PSME1: variants seen among roughly 807,000 people sequenced by gnomAD.
PSME1 encodes proteasome activator subunit 1.
In PSME1, 15 loss-of-function variants were observed where a neutral mutation model predicts 38.4. That is an observed-to-expected ratio of 0.39 (90% CI 0.26 to 0.60). The LOEUF (loss-of-function observed/expected upper bound fraction) is 0.60, where lower values mean the gene tolerates loss of function less well. Ranked by LOEUF, PSME1 falls within the 20% of genes least tolerant of loss-of-function variation. The pLI is 0.53. For missense variants in PSME1, 249 were observed against 305.6 expected (o/e 0.81, Z 1.38); for synonymous variants, 106 against 106.8 (o/e 0.99, Z 0.05).
At chr14:24,138,289 GTTT>G in intron 8 of PSME1, 26 bp downstream of exon 8, 1 of 1,614,012 alleles carries the variant, frequency 6.2e-7, no homozygotes, top group Non-Finnish European at 8.5e-7. Flanking sequence ...TGTGCACACT[GTTT>G]TTGTTTTGGG....
intron 8 of PSME1, 23 bp from the exon 9 acceptor site, chr14:24,138,322 C>T: frequency 6.2e-7 from 1 of 1,614,112 alleles, no homozygotes; most frequent in Non-Finnish European, 8.5e-7. Context: ...TCTTCTACTC[C>T]ATACACACTT....
rs1375042020 is a variant in PSME1 at position 24,137,366 on chromosome 14, T to G, written c.181T>G (p.Leu61Val). ...CAACTTGAGCAATCTGAAGGCCCCA[T>G]TGGACATCCCAGTGCCTGATCCAGT... ...EANLSNLKAP[L>V]DIPVPDPVKE... is the part of the protein sequence containing the mutation. The change falls in exon 4 of 11, where the codon TTG becomes GTG. Residue 61 changes from leucine (L) to valine (V), a missense_variant. By Grantham distance (32) the Leu-to-Val change is conservative. Coordinates refer to ENST00000206451, the MANE Select transcript of PSME1 (RefSeq NM_006263.4). 5 of 1,613,854 alleles carry G rather than the reference T, an allele frequency of 3.1e-6. No individual in the cohort carries two copies. The highest frequency in any genetic ancestry group is 4.2e-6 in the Non-Finnish European group (5 of 1,180,030).
Position 24,136,862 on chromosome 14 carries a change from T to C in PSME1, c.40-123T>C. 3 of 1,161,078 alleles carry C rather than the reference T, an allele frequency of 2.6e-6. No individual in the cohort carries two copies. The highest frequency in any genetic ancestry group is 2.8e-4 in the Middle Eastern group (1 of 3,574). The allele number at this position is 1,161,078 out of a possible 1,614,324, so 71.9% of individuals were successfully genotyped here. On this transcript the variant is annotated intron_variant, in intron 1 of 10. Transcript: ENST00000206451. This position sits in a 1 kb window ranked among gnomAD's most constrained non-coding sequence, Gnocchi z 4.8. ...AGGCATCCATCTCGCTTTCTTCAGG[T>C]CTGGCCTTAGAGGGATCCCCTCCAC...
In PSME1 at chr14:24,136,891, TC is replaced by T. The variant is rs899942717; in HGVS notation, c.40-90del. On this transcript the variant is annotated intron_variant, in intron 1 of 10. Transcript: ENST00000206451. This position sits in a 1 kb window ranked among gnomAD's most constrained non-coding sequence, Gnocchi z 4.8. The stretch of plus-strand genomic sequence containing the variant: ...GCCTTAGAGGGATCCCCTCCACCCT[TC>T]CCCAGGTCAGGCCCTACATAACCCT... 5.9e-5 allele frequency: 88 copies of T among 1,490,582 alleles called. No individual in the cohort carries two copies. Among genetic ancestry groups the T allele is most frequent in the Non-Finnish European group, 7.7e-5 (83 of 1,071,218 alleles). 92.3% of individuals were successfully genotyped at this position (1,490,582 alleles called of 1,614,324 possible).
Position 24,136,923 on chromosome 14 carries a change from A to C in PSME1, c.40-62A>C. 1.9e-6 allele frequency: 3 copies of C among 1,604,150 alleles called. No homozygotes were observed. The highest frequency in any genetic ancestry group is 2.2e-5 in the South Asian group (2 of 90,798). The stretch of plus-strand genomic sequence containing the variant: ...GTCAGGCCCTACATAACCCTAAGGG[A>C]ACTGTCCTCAAATGAACTGGCCTTA... On this transcript the variant is annotated intron_variant, in intron 1 of 10. Coordinates refer to ENST00000206451, the MANE Select transcript of PSME1 (RefSeq NM_006263.4). This position sits in a 1 kb window ranked among gnomAD's most constrained non-coding sequence, Gnocchi z 4.8.
At chr14:24,138,145 C>A in intron 7 of PSME1, 28 bp downstream of exon 7, 1 of 1,614,136 alleles carries the variant, frequency 6.2e-7, no homozygotes, top group Non-Finnish European at 8.5e-7. Flanking sequence ...CTTCCCTGCT[C>A]TTTTCTAGTC....
rs750805086 is a variant in PSME1, at chr14:24,137,358, A to G, written c.173A>G (p.Lys58Arg). ...AATGAAGCCAACTTGAGCAATCTGA[A>G]GGCCCCATTGGACATCCCAGTGCCT... ...ALNEANLSNL[K>R]APLDIPVPDP... Residue 58 changes from lysine to arginine, a missense_variant, in exon 4 of 11, where the codon AAG (lysine) becomes AGG (arginine). Lys to Arg is a conservative substitution (Grantham distance 26). Coordinates refer to ENST00000206451, the MANE Select transcript of PSME1 (RefSeq NM_006263.4). The G allele has an allele frequency of 1.9e-6, 3 of 1,613,994 alleles. No individual in the cohort carries two copies. The African/African-American group carries it at 4.0e-5, about 22-fold the overall frequency.
intron 10 of PSME1, 84 bp downstream of exon 10, chr14:24,138,644 AG>A (rs1484372165): frequency 6.2e-7 from 1 of 1,613,376 alleles, no homozygotes; most frequent in Non-Finnish European, 8.5e-7. Context: ...CTAGGGGTTA[AG>A]GGTGACAAAG....
rs1476249790 is a variant in PSME1, at chr14:24,137,949, G to A, written c.391-100G>A. The A allele has an allele frequency of 4.7e-5, 71 of 1,511,582 alleles. 1 individual carries two copies. The highest frequency in any genetic ancestry group is 5.7e-5 in the Non-Finnish European group (62 of 1,089,976). 93.6% of individuals were successfully genotyped at this position (1,511,582 alleles called of 1,614,324 possible). A position where few individuals can be genotyped will look rare whatever the true frequency, so the allele number is the denominator to read the frequency against. On this transcript the variant is annotated intron_variant, in intron 6 of 10. Transcript: ENST00000206451. The stretch of plus-strand genomic sequence containing the variant: ...AGGCCCTGGGGCTCAGGATAGACCC[G>A]GCACGCCTCCACCCAGTGTGGGGAG...
At position 24,136,752 on chromosome 14, in the gene PSME1, A is replaced by G; in HGVS notation, c.40-233A>G. The G allele has an allele frequency of 1.6e-6, 1 of 617,092 alleles. No individual in the cohort carries two copies. Among genetic ancestry groups the G allele is most frequent in the Non-Finnish European group, 2.9e-6 (1 of 341,716 alleles). 38.2% of individuals were successfully genotyped at this position (617,092 alleles called of 1,614,324 possible). A position where few individuals can be genotyped will look rare whatever the true frequency, so the allele number is the denominator to read the frequency against. On this transcript the variant is annotated intron_variant, in intron 1 of 10. Coordinates refer to ENST00000206451, the MANE Select transcript of PSME1 (RefSeq NM_006263.4). This position sits in a 1 kb window ranked among gnomAD's most constrained non-coding sequence, Gnocchi z 4.8. ...CGCCAGGAATGTTCTCATCCCCCATATCCAGCCCCAGGGATACCCACTCCA... is the reference window on the plus strand; with the variant it reads ...CGCCAGGAATGTTCTCATCCCCCATGTCCAGCCCCAGGGATACCCACTCCA...
At position 24,138,413 on chromosome 14, in the gene PSME1, A is replaced by G; in HGVS notation, c.582+14A>G. The G allele has an allele frequency of 1.9e-6, 3 of 1,614,100 alleles. No homozygotes were observed. The highest frequency in any genetic ancestry group is 2.2e-5 in the East Asian group (1 of 44,886). On this transcript the variant is annotated intron_variant, in intron 9 of 10. Transcript: ENST00000206451. ...CAGCCCCATGTGGTAGGTGAGGCCC[A>G]GGTCAGGGTGCATGGGGGAAGGACA...
chr14:24,137,705 C>A lies in PSME1; in HGVS notation c.298C>A (p.Pro100Thr). ...ACCCATTGCTCACTCTCTAGGTCCT[C>A]CCTGTGGCCCAGTGAACTGCAATGA... ...KKGEDEDKGP[P>T]CGPVNCNEKI... The change falls in exon 6 of 11, where the codon CCC becomes ACC. Residue 100 changes from proline (P) to threonine (T), a missense_variant. Physicochemically the swap from Pro to Thr is conservative, Grantham distance 38. Transcript: ENST00000206451. The A allele has an allele frequency of 6.2e-7, 1 of 1,614,180 alleles. No individual in the cohort carries two copies. The highest frequency in any genetic ancestry group is 8.5e-7 in the Non-Finnish European group (1 of 1,180,000).
Position 24,137,965 on chromosome 14 carries a change from G to T in PSME1, c.391-84G>T, listed in dbSNP as rs11574510. On this transcript the variant is annotated intron_variant, in intron 6 of 10. Coordinates refer to ENST00000206451, the MANE Select transcript of PSME1 (RefSeq NM_006263.4). Reference sequence around the variant, plus strand: ...GATAGACCCGGCACGCCTCCACCCAGTGTGGGGAGGGAAGCAAGGGAGAAT... The same window carrying T: ...GATAGACCCGGCACGCCTCCACCCATTGTGGGGAGGGAAGCAAGGGAGAAT... 5.1e-3 allele frequency: 7,809 copies of T among 1,538,854 alleles called. 27 individuals are homozygous for T. The highest frequency in any genetic ancestry group is 6.1e-3 in the Non-Finnish European group (6,815 of 1,112,848).
rs1251400443 is a variant in PSME1, at chr14:24,138,186, T to C, written c.460-10T>C. 6.2e-7 allele frequency: 1 copy of C among 1,614,180 alleles called. No homozygotes were observed. Among genetic ancestry groups the C allele is most frequent in the East Asian group, 2.2e-5 (1 of 44,884 alleles). On this transcript the variant is annotated splice_polypyrimidine_tract_variant and intron_variant, in intron 7 of 10. Coordinates refer to ENST00000206451, the MANE Select transcript of PSME1 (RefSeq NM_006263.4). Reference sequence around the variant, plus strand: ...TTCCTTCCACTTTCCCCCTTGCTTTTTTTCCCTAGGAGAAGGTGTTTGAGC... The same window carrying C: ...TTCCTTCCACTTTCCCCCTTGCTTTCTTTCCCTAGGAGAAGGTGTTTGAGC...
rs2037958095 is a variant in PSME1 at position 24,138,485 on chromosome 14, G to A, written c.594G>A (p.Arg198=). The change falls in exon 10 of 11, where the codon CGG becomes CGA. Residue 198 remains arginine, a synonymous_variant. Coordinates refer to ENST00000206451, the MANE Select transcript of PSME1 (RefSeq NM_006263.4). The part of the protein sequence containing the change: ...AAKQPHVGDY[R]QLVHELDEAE... ...CGAGCTTCCCACAGGGTGATTATCG[G>A]CAGCTGGTGCACGAGCTGGATGAGG... 1 of 1,613,896 alleles carries A rather than the reference G, an allele frequency of 6.2e-7. No homozygotes were observed.
At position 24,138,940 on chromosome 14, in the gene PSME1, A is replaced by G; in HGVS notation, c.*124A>G. On this transcript the variant is annotated 3_prime_UTR_variant, in exon 11 of 11. Transcript: ENST00000206451. Reference sequence around the variant, plus strand: ...TCCCTCACCTTGCCTCTCAGGCACAATAAATATAGTTATACCACTGCCCAT... The same window carrying G: ...TCCCTCACCTTGCCTCTCAGGCACAGTAAATATAGTTATACCACTGCCCAT... 6.3e-7 allele frequency: 1 copy of G among 1,598,620 alleles called. No individual in the cohort carries two copies. The highest frequency in any genetic ancestry group is 8.5e-7 in the Non-Finnish European group (1 of 1,171,066).
In PSME1 at chr14:24,136,452, G is replaced by A; in HGVS notation, c.39+151G>A. On this transcript the variant is annotated intron_variant, in intron 1 of 10. Transcript: ENST00000206451. This position sits in a 1 kb window ranked among gnomAD's most constrained non-coding sequence, Gnocchi z 4.8. ...GAGCACCTGCGCCCCGGGGAGGGCG[G>A]CGACTGCTGCCTGCGGGGAGAGGCG... 4.2e-6 allele frequency: 3 copies of A among 721,494 alleles called. No homozygotes were observed. Among genetic ancestry groups the A allele is most frequent in the South Asian group, 2.5e-5 (1 of 40,180 alleles). 44.7% of individuals were successfully genotyped at this position (721,494 alleles called of 1,614,324 possible).
intron 10 of PSME1, 69 bp from the exon 11 acceptor site, chr14:24,138,667 C>T (rs758158803): frequency 6.2e-7 from 1 of 1,613,510 alleles, no homozygotes. Context: ...TCAGCTTCTC[C>T]ACAAGGCTAG....
chr14:24,137,242 C>T, intron 3 of PSME1, 37 bp downstream of exon 3: 1 of 1,611,886 alleles, frequency 6.2e-7, no homozygotes, highest in Non-Finnish European at 8.5e-7. Flanking sequence ...GAGTAAAGGC[C>T]AAGAGAAGAG....
Sources: gnomAD v4.1 joint callset for allele counts on GRCh38, gnomAD v4.1.1 for gene constraint, Gnocchi (gnomAD v3.1) non-coding constraint, MANE v1.5 for transcripts, NCBI Gene and HGNC (gene_info 2026-07-23, HGNC 2026-07-21) for gene names.